BIN3: variants seen among roughly 807,000 people sequenced by gnomAD.
BIN3 encodes the protein bridging integrator 3.
Under a neutral mutation model 38.2 loss-of-function variants are expected in BIN3, and 41 were observed. The ratio of observed to expected loss-of-function variants is 1.07; its 90% CI spans 0.84 to 1.39. The LOEUF (loss-of-function observed/expected upper bound fraction) is 1.39. BIN3 is among the 40% of genes most tolerant of loss of function. The pLI is 0.00. For missense variants in BIN3, 361 were observed against 324.3 expected (o/e 1.11, Z -0.87); for synonymous variants, 145 against 122.6 (o/e 1.18, Z -1.21).
chr8:22,630,359 C>T, intron 5 of BIN3, 83 bp downstream of exon 5: 1 of 1,542,472 alleles, frequency 6.5e-7, no homozygotes, highest in Middle Eastern at 2.2e-4. Context: ...AGGGAGCCCA[C>T]TCGGGCCTCC....
At chr8:22,623,454 G>A (rs1801906273) in intron 8 of BIN3, among the ~76,000 whole-genome samples, 1 of 152,126 alleles carries the variant, frequency 6.6e-6, no homozygotes, top group Admixed American at 6.5e-5. Context: ...TTCCTTAGTG[G>A]TTCCAAGGCA....
At chr8:22,634,603 C>T in intron 4 of BIN3, 1 of 451,004 alleles carries the variant, frequency 2.2e-6, no homozygotes. Context: ...ACTGCAGTAC[C>T]AAGTAGGAGC....
At chr8:22,622,810 G>A (rs1443855176) in intron 8 of BIN3, 3 of 152,364 alleles carry the variant, frequency 2.0e-5, no homozygotes, top group Non-Finnish European at 4.4e-5. Flanking sequence ...CCTCGCTGCA[G>A]GAGCAAGTGT....
At chr8:22,646,697 G>A (rs900056318) in intron 1 of BIN3, among the ~76,000 whole-genome samples, 1 of 152,192 alleles carries the variant, frequency 6.6e-6, no homozygotes, top group Non-Finnish European at 1.5e-5. Context: ...GTAAGGTCTG[G>A]AAATGAAAAG....
intron 4 of BIN3, among the ~76,000 whole-genome samples, chr8:22,634,750 G>A (rs553267275): frequency 3.3e-5 from 5 of 152,262 alleles, no homozygotes; most frequent in African/African-American, 1.2e-4. Flanking sequence ...AACGGTTCCG[G>A]AGTGGGGGCT....
rs377437801 is a variant in BIN3 at position 22,624,311 on chromosome 8, C to G, written c.391G>C (p.Ala131Pro). Residue 131 changes from alanine to proline, a missense_variant, in exon 7 of 9, where the codon GCC becomes CCC. Physicochemically the swap from Ala to Pro is conservative, Grantham distance 27. Coordinates refer to ENST00000276416, the MANE Select transcript of BIN3 (RefSeq NM_018688.6). Reference protein sequence around the residue: ...LNMAVKRREQALQDYRRLQAK... With the variant: ...LNMAVKRREQPLQDYRRLQAK... ...TGCAGCCTCCTGTAGTCCTGCAAGG[C>G]CTGTTCCCGCCTCTTCACAGCCATG... The G allele has an allele frequency of 8.1e-5, 131 of 1,613,720 alleles. No individual in the cohort carries two copies. Among genetic ancestry groups the G allele is most frequent in the Non-Finnish European group, 9.9e-5 (117 of 1,179,814 alleles).
intron 1 of BIN3, among the ~76,000 whole-genome samples, chr8:22,650,444 C>G (rs1802855147): frequency 6.6e-6 from 1 of 152,072 alleles, no homozygotes; most frequent in East Asian, 1.9e-4. Flanking sequence ...TTTGTGAGTT[C>G]TTCTTTTGGT....
chr8:22,649,832 C>A (rs1035895998), intron 1 of BIN3, among the ~76,000 whole-genome samples: 1 of 120,886 alleles, frequency 8.3e-6, no homozygotes, highest in South Asian at 3.0e-4. Flanking sequence ...CACACACACA[C>A]ACACACACAC....
At chr8:22,625,889 G>C (rs1264523382) in intron 6 of BIN3, 1 of 155,154 alleles carries the variant, frequency 6.4e-6, no homozygotes, top group South Asian at 2.0e-4. Context: ...TGGCCGGCCT[G>C]TTTTTAAAAA....
At chr8:22,638,858 C>T (rs938926434) in intron 2 of BIN3, among the ~76,000 whole-genome samples, 1 of 152,226 alleles carries the variant, frequency 6.6e-6, no homozygotes, top group African/African-American at 2.4e-5. Flanking sequence ...ACTCTTTCTC[C>T]ATCCAGGAAC....
At chr8:22,653,254 G>A (rs907895952) in intron 1 of BIN3, among the ~76,000 whole-genome samples, 24 of 152,102 alleles carry the variant, frequency 1.6e-4, no homozygotes, top group Non-Finnish European at 2.8e-4. Flanking sequence ...AGTGTGTTCC[G>A]CTGATTTGCT....
intron 2 of BIN3, among the ~76,000 whole-genome samples, chr8:22,641,797 T>G (rs899699727): frequency 6.6e-6 from 1 of 152,108 alleles, no homozygotes. Context: ...CAGTAACCCT[T>G]GTTTCAGGGG....
intron 1 of BIN3, among the ~76,000 whole-genome samples, chr8:22,650,891 C>T (rs1424861567): frequency 6.6e-6 from 1 of 152,182 alleles, no homozygotes; most frequent in Non-Finnish European, 1.5e-5. Context: ...AATATAGTTA[C>T]AGTATAATAA....
Position 22,629,978 on chromosome 8 carries a change from G to T in BIN3, c.324C>A (p.Ile108=), listed in dbSNP as rs751485461. 6.2e-7 allele frequency: 1 copy of T among 1,609,248 alleles called. No homozygotes were observed. Among genetic ancestry groups the T allele is most frequent in the Non-Finnish European group, 8.5e-7 (1 of 1,177,588 alleles). ...CATTTACTCACTTTTTTAAGGGCTC[G>T]ATCACAGTCTTCTGGATCTGGTTCA... ...EKVNQIQKTV[I]EPLKKFGSVF... is the part of the protein sequence containing the mutation. The change falls in exon 6 of 9, where the codon ATC becomes ATA. Residue 108 remains isoleucine, a synonymous_variant. Coordinates refer to ENST00000276416, the MANE Select transcript of BIN3 (RefSeq NM_018688.6).
In BIN3 at chr8:22,630,442, CT is replaced by C; in HGVS notation, c.296del (p.Lys99ArgfsTer2). On this transcript the variant is annotated frameshift_variant and splice_region_variant, in exon 5 of 9. Transcript: ENST00000276416. LOFTEE classifies it high-confidence loss of function. Reference sequence around the variant, plus strand: ...CCACCCCACACCAAGACCTAGTCACCTTTTCCTGATTGAAGGCATCCATCCG... The same window carrying C: ...CCACCCCACACCAAGACCTAGTCACCTTTCCTGATTGAAGGCATCCATCCG... ...MKRMDAFNQE[K>X]VNQIQKTVIE... The C allele has an allele frequency of 6.2e-7, 1 of 1,613,938 alleles. No individual in the cohort carries two copies. The highest frequency in any genetic ancestry group is 8.5e-7 in the Non-Finnish European group (1 of 1,179,856).
At chr8:22,648,580 G>A (rs1802784622) in intron 1 of BIN3, among the ~76,000 whole-genome samples, 1 of 152,126 alleles carries the variant, frequency 6.6e-6, no homozygotes, top group South Asian at 2.1e-4. Context: ...CATACCCAGG[G>A]TCCACGATGT....
chr8:22,656,635 T>C (rs1349203156), intron 1 of BIN3, among the ~76,000 whole-genome samples: 2 of 152,228 alleles, frequency 1.3e-5, no homozygotes, highest in African/African-American at 4.8e-5. Flanking sequence ...ATGCTTTACA[T>C]CTGATCCCTC....
intron 6 of BIN3, among the ~76,000 whole-genome samples, chr8:22,628,060 A>G (rs1802060844): frequency 1.3e-5 from 2 of 152,178 alleles, no homozygotes; most frequent in Non-Finnish European, 2.9e-5. Context: ...GGCGAAGAGG[A>G]GAAGGAGAGG....
chr8:22,647,560 A>G (rs1802751170), intron 1 of BIN3, among the ~76,000 whole-genome samples: 1 of 152,202 alleles, frequency 6.6e-6, no homozygotes, highest in Non-Finnish European at 1.5e-5. Context: ...TGATGAAAAC[A>G]CCTAGTCTCA....
Sources: allele counts gnomAD v4.1 joint callset (sites outside exome capture counted in the v4.1 genomes callset), GRCh38; gene constraint gnomAD v4.1.1; transcripts MANE v1.5; gene names NCBI Gene and HGNC (gene_info 2026-07-23, HGNC 2026-07-21).